GAPVD1: variants seen among roughly 807,000 people sequenced by gnomAD.
GAPVD1 encodes the protein GTPase activating protein and VPS9 domains 1, also known as GTPase-activating protein and VPS9 domain-containing protein 1.
In GAPVD1, 35 loss-of-function variants were observed where a neutral mutation model predicts 155.5. The ratio of observed to expected loss-of-function variants is 0.23; its 90% CI spans 0.17 to 0.30. The LOEUF (loss-of-function observed/expected upper bound fraction) is 0.30. Ranked by LOEUF, GAPVD1 falls within the 10% of genes least tolerant of loss-of-function variation. GAPVD1 has a pLI of 1.00. For missense variants in GAPVD1, 1,429 were observed against 1,775.7 expected (o/e 0.80, Z 3.51); for synonymous variants, 636 against 619.7 (o/e 1.03, Z -0.39).
intron 3 of GAPVD1, among the ~76,000 whole-genome samples, chr9:125,296,725 G>T (rs1031206514): frequency 1.4e-5 from 2 of 146,544 alleles, no homozygotes; most frequent in African/African-American, 5.1e-5. Context: ...GCAGTGGTGC[G>T]ATTTCAGCTC....
Position 125,295,450 on chromosome 9 carries a change from T to TG in GAPVD1, c.-149-5dup, listed in dbSNP as rs1397695052. Reference sequence around the variant, plus strand: ...CAATCTTTTTTTTTTTTTTTTTTTTTGGGACAGGGTCTGGCTCTGTCACCC... The same window carrying TG: ...CAATCTTTTTTTTTTTTTTTTTTTTTGGGGACAGGGTCTGGCTCTGTCACCC... On this transcript the variant is annotated splice_polypyrimidine_tract_variant and splice_region_variant and intron_variant, in intron 2 of 27. Coordinates refer to ENST00000297933, the MANE Select transcript of GAPVD1 (RefSeq NM_001282680.3). The TG allele has an allele frequency of 1.7e-5, 2 of 114,398 alleles. No individual in the cohort carries two copies. Among genetic ancestry groups the TG allele is most frequent in the Non-Finnish European group, 3.7e-5 (2 of 54,122 alleles). 7.1% of individuals were successfully genotyped at this position (114,398 alleles called of 1,614,324 possible).
At position 125,307,835 on chromosome 9, in the gene GAPVD1, TCTCCAGCAACCA is replaced by T; in HGVS notation, c.1406_1417del (p.Thr469_Ala472del). ...GACTCCCTACAATACACCTCAGCTATCTCCAGCAACCACTCCAGCAAATAAAAAGAATCGATT... is the reference window on the plus strand; with the variant it reads ...GACTCCCTACAATACACCTCAGCTATCTCCAGCAAATAAAAAGAATCGATT... On this transcript the variant is annotated inframe_deletion, in exon 8 of 28. Transcript: ENST00000297933. 2 of 1,613,564 alleles carry T rather than the reference TCTCCAGCAACCA, an allele frequency of 1.2e-6. No homozygotes were observed. The highest frequency in any genetic ancestry group is 1.7e-6 in the Non-Finnish European group (2 of 1,179,508).
intron 2 of GAPVD1, among the ~76,000 whole-genome samples, chr9:125,280,720 C>T (rs1462335904): frequency 3.3e-5 from 5 of 151,782 alleles, no homozygotes; most frequent in East Asian, 2.0e-4. Context: ...GGATTACATG[C>T]GCCTGCCACC....
At position 125,312,591 on chromosome 9, in the gene GAPVD1, A is replaced by G. The variant is rs752477582; in HGVS notation, c.1581A>G (p.Pro527=). ...TAGGTACAGGTCCCCAGCTTACTCCAGGGATGATGTCAGAAAATGAGGTAT... is the reference window on the plus strand; with the variant it reads ...TAGGTACAGGTCCCCAGCTTACTCCGGGGATGATGTCAGAAAATGAGGTAT... ...ISLGTGPQLT[P]GMMSENEVLN... Residue 527 remains proline (P), a synonymous_variant, in exon 9 of 28, where the codon CCA becomes CCG. Coordinates refer to ENST00000297933, the MANE Select transcript of GAPVD1 (RefSeq NM_001282680.3). 1 of 1,589,560 alleles carries G rather than the reference A, an allele frequency of 6.3e-7. No individual in the cohort carries two copies. Among genetic ancestry groups the G allele is most frequent in the Non-Finnish European group, 8.5e-7 (1 of 1,173,140 alleles).
chr9:125,270,928 A>G (rs1671877779), intron 2 of GAPVD1, among the ~76,000 whole-genome samples: 1 of 152,210 alleles, frequency 6.6e-6, no homozygotes, highest in Admixed American at 6.5e-5. Context: ...CAGCCTGGGC[A>G]ACAAGAGCGA....
At chr9:125,331,135 T>C (rs1333945343) in intron 13 of GAPVD1, among the ~76,000 whole-genome samples, 4 of 152,206 alleles carry the variant, frequency 2.6e-5, no homozygotes, top group Non-Finnish European at 4.4e-5. Flanking sequence ...AGTAACTGTG[T>C]ATCTGCATTA....
intron 9 of GAPVD1, among the ~76,000 whole-genome samples, chr9:125,314,789 CTTTT>C (rs35084399): frequency 6.4e-5 from 9 of 140,812 alleles, no homozygotes; most frequent in African/African-American, 2.3e-4. Context: ...GTAGCAGCTT[CTTTT>C]TTTTTTTTTT....
chr9:125,322,779 G>A (rs527999025), intron 10 of GAPVD1, among the ~76,000 whole-genome samples: 2 of 152,062 alleles, frequency 1.3e-5, no homozygotes, highest in African/African-American at 4.8e-5. Flanking sequence ...TGGGCTGGGC[G>A]AAGTGGCTCA....
chr9:125,296,418 G>T (rs995573605), intron 3 of GAPVD1, among the ~76,000 whole-genome samples: 5 of 146,150 alleles, frequency 3.4e-5, no homozygotes, highest in Non-Finnish European at 7.4e-5. Context: ...GCAGTGGCGC[G>T]ATCTCAGCTC....
chr9:125,349,670 T>G, intron 21 of GAPVD1, 151 bp downstream of exon 21: 1 of 689,676 alleles, frequency 1.4e-6, no homozygotes, highest in Non-Finnish European at 2.4e-6. Context: ...TTGTTTCAGT[T>G]GTAGATGTTA....
At chr9:125,313,209 TACCATC>T (rs1842901331) in intron 9 of GAPVD1, among the ~76,000 whole-genome samples, 1 of 151,998 alleles carries the variant, frequency 6.6e-6, no homozygotes, top group South Asian at 2.1e-4. Context: ...GATCTCCAAA[TACCATC>T]ACCTTGGGGG....
At chr9:125,313,452 C>T (rs749997661) in intron 9 of GAPVD1, among the ~76,000 whole-genome samples, 7 of 151,590 alleles carry the variant, frequency 4.6e-5, no homozygotes, top group Admixed American at 1.3e-4. Flanking sequence ...TACAGGTGCC[C>T]GCCACCACGC....
At chr9:125,271,993 T>A (rs530756395) in intron 2 of GAPVD1, among the ~76,000 whole-genome samples, 1 of 152,348 alleles carries the variant, frequency 6.6e-6, no homozygotes, top group South Asian at 2.1e-4. Flanking sequence ...AAAATATAGA[T>A]TTCTGTACCA....
chr9:125,337,169 T>C, intron 16 of GAPVD1, 52 bp from the exon 17 acceptor site: 1 of 1,609,990 alleles, frequency 6.2e-7, no homozygotes, highest in Non-Finnish European at 8.5e-7. Flanking sequence ...TGTTAATGCC[T>C]TTGTTAGATA....
intron 4 of GAPVD1, among the ~76,000 whole-genome samples, chr9:125,300,189 T>A (rs9299301): frequency 0.6 from 82,655 of 137,922 alleles, 26,824 homozygotes; most frequent in African/African-American, 0.87. Flanking sequence ...ATTTTATTTT[T>A]TTTTTTTTTT....
At chr9:125,309,283 A>G (rs1417651190) in intron 8 of GAPVD1, 1 of 152,114 alleles carries the variant, frequency 6.6e-6, no homozygotes, top group Non-Finnish European at 1.5e-5. Flanking sequence ...TTTTCAAAAT[A>G]AAAAATAGAA....
At chr9:125,338,176 C>T (rs1847309766) in intron 17 of GAPVD1, among the ~76,000 whole-genome samples, 2 of 152,196 alleles carry the variant, frequency 1.3e-5, no homozygotes, top group African/African-American at 4.8e-5. Context: ...CACCTGGCCC[C>T]ATGAGTATTT....
intron 23 of GAPVD1, among the ~76,000 whole-genome samples, chr9:125,352,689 GCTC>G (rs1434260264): frequency 6.6e-6 from 1 of 152,228 alleles, no homozygotes; most frequent in Non-Finnish European, 1.5e-5. Flanking sequence ...TTAATATTCA[GCTC>G]CTCATTACTT....
Position 125,305,127 on chromosome 9 carries a change from G to A in GAPVD1, c.1094G>A (p.Ser365Asn), listed in dbSNP as rs751176341. Residue 365 changes from serine (S) to asparagine (N), a missense_variant, in exon 6 of 28, where the codon AGC becomes AAC. Transcript: ENST00000297933. ...GAAGAGGGAGATCCCCGAACAAAGA[G>A]CAGCCTTGGAAAGTTTGACAAAGTA... ...GSEEGDPRTKSSLGKFDKSCV... is the reference protein window; with the variant it reads ...GSEEGDPRTKNSLGKFDKSCV... 1 of 1,613,470 alleles carries A rather than the reference G, an allele frequency of 6.2e-7. No homozygotes were observed. The highest frequency in any genetic ancestry group is 1.7e-5 in the Admixed American group (1 of 60,012).
Sources: allele counts gnomAD v4.1 joint callset (sites outside exome capture counted in the v4.1 genomes callset), GRCh38; gene constraint gnomAD v4.1.1; transcripts MANE v1.5; gene names NCBI Gene and HGNC (gene_info 2026-07-23, HGNC 2026-07-21).